SLC39A10: variants seen among roughly 807,000 people sequenced by gnomAD.
SLC39A10 encodes the protein zinc transporter ZIP10.
In SLC39A10, 13 loss-of-function variants were observed where a neutral mutation model predicts 65.1. The observed-to-expected ratio is 0.20, with a 90% confidence interval of 0.13 to 0.32. The LOEUF is 0.32. SLC39A10 is among the 10% of genes least tolerant of loss of function. The pLI is 1.00. For synonymous variants in SLC39A10, 321 were observed against 342.2 expected (o/e 0.94, Z 0.68); for missense variants, 831 against 1,018.4 (o/e 0.82, Z 2.50).
chr2:195,658,690 C>G (rs1559019157), intron 1 of SLC39A10: 2 of 152,136 alleles, frequency 1.3e-5, no homozygotes, highest in South Asian at 2.1e-4. Flanking sequence ...TATTAGGACT[C>G]TATTGTACAA....
chr2:195,710,848 T>C (rs912132068), intron 5 of SLC39A10, among the ~76,000 whole-genome samples: 1 of 152,114 alleles, frequency 6.6e-6, no homozygotes, highest in African/African-American at 2.4e-5. Flanking sequence ...GGTGAAGTAA[T>C]TAATTCTGAT....
At chr2:195,684,139 C>T (rs187581865) in intron 3 of SLC39A10, among the ~76,000 whole-genome samples, 12 of 151,914 alleles carry the variant, frequency 7.9e-5, no homozygotes, top group Non-Finnish European at 1.6e-4. Context: ...TTGCTATGGA[C>T]GGAGAACTAG....
intron 2 of SLC39A10, among the ~76,000 whole-genome samples, chr2:195,633,651 C>T (rs918514051): frequency 2.0e-5 from 3 of 152,140 alleles, no homozygotes; most frequent in Non-Finnish European, 4.4e-5. Context: ...GGAAGTGCCT[C>T]TCAGCGGGAA....
chr2:195,708,694 T>C lies in SLC39A10; in HGVS notation c.1425T>C (p.His475=), dbSNP rs768896447. ...ATGATCACAGTCACCAACATGCACA[T>C]GGGCATGGACATTCTCATGGACATG... ...GGHDHSHQHA[H]GHGHSHGHES... The change falls in exon 5 of 10, where the codon CAT becomes CAC. Residue 475 remains histidine, a synonymous_variant. Transcript: ENST00000359634. The C allele has an allele frequency of 1.2e-5, 20 of 1,610,152 alleles. No homozygotes were observed. The highest frequency in any genetic ancestry group is 1.7e-5 in the Non-Finnish European group (20 of 1,178,294).
chr2:195,681,163 A>G (rs1690296757), intron 2 of SLC39A10, 113 bp downstream of exon 2: 3 of 1,020,054 alleles, frequency 2.9e-6, no homozygotes, highest in East Asian at 2.5e-5. Context: ...ACTTATTTCC[A>G]TATGTTTACC....
chr2:195,659,517 T>C (rs1689300347), intron 1 of SLC39A10, among the ~76,000 whole-genome samples: 1 of 152,190 alleles, frequency 6.6e-6, no homozygotes, highest in Non-Finnish European at 1.5e-5. Context: ...GGATGATCAT[T>C]TCCTTCTGAT....
chr2:195,655,558 C>T (rs1357678664), upstream of SLC39A10, among the ~76,000 whole-genome samples: 1 of 152,178 alleles, frequency 6.6e-6, no homozygotes, highest in African/African-American at 2.4e-5. Flanking sequence ...TTTATGAACT[C>T]TAAGGACTTT....
chr2:195,724,505 AG>A (rs1692166137), intron 8 of SLC39A10, among the ~76,000 whole-genome samples: 2 of 152,206 alleles, frequency 1.3e-5, no homozygotes, highest in Non-Finnish European at 2.9e-5. Flanking sequence ...CTTGATACAA[AG>A]ATAAGTATAC....
chr2:195,619,215 G>A (rs899788212), intron 2 of SLC39A10, among the ~76,000 whole-genome samples: 1 of 151,996 alleles, frequency 6.6e-6, no homozygotes, highest in Non-Finnish European at 1.5e-5. Context: ...CTGAACTTAG[G>A]TAGTAGAGTA....
At chr2:195,661,731 G>A (rs1332592943) in intron 1 of SLC39A10, among the ~76,000 whole-genome samples, 1 of 152,170 alleles carries the variant, frequency 6.6e-6, no homozygotes, top group East Asian at 1.9e-4. Flanking sequence ...TTTAATGGTA[G>A]ATATTTTTAT....
At chr2:195,686,653 G>A (rs894193058) in intron 3 of SLC39A10, among the ~76,000 whole-genome samples, 5 of 152,198 alleles carry the variant, frequency 3.3e-5, no homozygotes, top group Non-Finnish European at 7.3e-5. Context: ...CCACTATACA[G>A]GCACTTCTGT....
At chr2:195,656,931 A>T (rs754925289), upstream of SLC39A10, 7 of 152,286 alleles carry the variant, frequency 4.6e-5, no homozygotes, top group Non-Finnish European at 1.0e-4. Context: ...TTCTTGGAAC[A>T]AAACTAGCGC....
At chr2:195,721,701 A>C (rs1000143479) in intron 8 of SLC39A10, among the ~76,000 whole-genome samples, 2 of 152,098 alleles carry the variant, frequency 1.3e-5, no homozygotes, top group Non-Finnish European at 2.9e-5. Flanking sequence ...ATGAGTTAAC[A>C]TGTTGCCTCA....
At chr2:195,690,186 A>AAG (rs2105785877) in intron 3 of SLC39A10, among the ~76,000 whole-genome samples, 1 of 151,006 alleles carries the variant, frequency 6.6e-6, no homozygotes. Flanking sequence ...AAAAAAAAAA[A>AAG]AAAAAAAAAA....
intron 2 of SLC39A10, among the ~76,000 whole-genome samples, chr2:195,646,305 A>G (rs1240911687): frequency 6.6e-6 from 1 of 152,134 alleles, no homozygotes; most frequent in Non-Finnish European, 1.5e-5. Flanking sequence ...CAGCAATTCT[A>G]TCTTCTTGAA....
chr2:195,722,821 A>AT (rs1458465594), intron 8 of SLC39A10, among the ~76,000 whole-genome samples: 1 of 152,236 alleles, frequency 6.6e-6, no homozygotes, highest in African/African-American at 2.4e-5. Flanking sequence ...TGAGATTTCC[A>AT]TACTGACCTC....
At chr2:195,707,849 A>G (rs1691461989) in intron 4 of SLC39A10, among the ~76,000 whole-genome samples, 1 of 152,194 alleles carries the variant, frequency 6.6e-6, no homozygotes. Flanking sequence ...TTGGTTGACC[A>G]CTAGTTAACA....
rs769720577 is a variant in SLC39A10 at position 195,716,823 on chromosome 2, A to G, written c.1883A>G (p.His628Arg). The G allele has an allele frequency of 1.9e-6, 3 of 1,614,146 alleles. No individual in the cohort carries two copies. In the East Asian group the frequency reaches 6.7e-5, roughly 36 times the overall value. The change falls in exon 7 of 10, where the codon CAC (histidine) becomes CGC (arginine). Residue 628 changes from histidine to arginine, a missense_variant. By Grantham distance (29) the His-to-Arg change is conservative (BLOSUM62 0). Transcript: ENST00000359634. The stretch of plus-strand genomic sequence containing the variant: ...GATCTCCATGCTGCTGCACATAACC[A>G]CCACGGCGAGAACAAAACTGTGCTG... Reference protein sequence around the residue: ...EHDLHAAAHNHHGENKTVLRK... With the variant: ...EHDLHAAAHNRHGENKTVLRK...
intron 5 of SLC39A10, among the ~76,000 whole-genome samples, chr2:195,713,041 AAT>A (rs1691654074): frequency 6.6e-6 from 1 of 152,196 alleles, no homozygotes; most frequent in Non-Finnish European, 1.5e-5. Context: ...CATTCAGGGA[AAT>A]ATAGATTGCA....
Sources: allele counts gnomAD v4.1 joint callset (sites outside exome capture counted in the v4.1 genomes callset), GRCh38; gene constraint gnomAD v4.1.1; transcripts MANE v1.5; gene names NCBI Gene and HGNC (gene_info 2026-07-23, HGNC 2026-07-21).